The following PTCD3 variants were observed in gnomAD, a reference collection of about 807,000 sequenced individuals.
PTCD3 encodes the protein small ribosomal subunit protein mS39.
PTCD3 carries 89 observed loss-of-function variants against 101.9 expected under a neutral mutation model. That is an observed-to-expected ratio of 0.87 (90% CI 0.74 to 1.04). The LOEUF (loss-of-function observed/expected upper bound fraction) is 1.04. PTCD3 is among the 50% of genes least tolerant of loss of function. The pLI, the probability that PTCD3 is intolerant of heterozygous loss-of-function variation, is 0.00. For synonymous variants in PTCD3, 296 were observed against 278.5 expected (o/e 1.06, Z -0.63); for missense variants, 870 against 828.2 (o/e 1.05, Z -0.62).
chr2:86,107,758 C>G (rs147905307), intron 1 of PTCD3, among the ~76,000 whole-genome samples: 1 of 152,274 alleles, frequency 6.6e-6, no homozygotes, highest in East Asian at 1.9e-4. Context: ...GTCATCTTCC[C>G]TATGTTGTAA....
intron 7 of PTCD3, 144 bp from the exon 8 acceptor site, chr2:86,121,335 G>A (rs769592915): frequency 8.1e-6 from 4 of 495,860 alleles, no homozygotes; most frequent in Admixed American, 7.5e-5. Flanking sequence ...TTAAGTTGAC[G>A]TTGAGTGCAT....
intron 4 of PTCD3, among the ~76,000 whole-genome samples, chr2:86,112,651 C>T (rs956838320): frequency 7.2e-6 from 1 of 139,444 alleles, no homozygotes; most frequent in Non-Finnish European, 1.5e-5. Flanking sequence ...CACTGCATTC[C>T]AGCCTGGGTG....
chr2:86,127,945 C>A lies in PTCD3; in HGVS notation c.1101C>A (p.Pro367=). The A allele has an allele frequency of 6.2e-7, 1 of 1,609,748 alleles. No homozygotes were observed. The highest frequency in any genetic ancestry group is 8.5e-7 in the Non-Finnish European group (1 of 1,176,204). Residue 367 remains proline, a synonymous_variant, in exon 14 of 24, where the codon CCC becomes CCA. Transcript: ENST00000254630. ...CTGTCTACCTGGTAATTTGAGAACC[C>A]TCGCTTGCAACATATCACCATATTA... ...LREMKAIGIE[P]SLATYHHIIR...
intron 7 of PTCD3, chr2:86,119,442 C>T (rs1212123082): frequency 1.7e-5 from 3 of 174,998 alleles, no homozygotes; most frequent in South Asian, 1.2e-4. Context: ...CTGCAAGCTC[C>T]GCCTCCCAGG....
intron 22 of PTCD3, 97 bp from the exon 23 acceptor site, chr2:86,136,885 T>C (rs1194204711): frequency 7.0e-7 from 1 of 1,420,480 alleles, no homozygotes; most frequent in African/African-American, 1.4e-5. Flanking sequence ...CCAGAAATAC[T>C]GTTGGGAATT....
intron 8 of PTCD3, among the ~76,000 whole-genome samples, chr2:86,123,198 G>T (rs979837360): frequency 6.6e-6 from 1 of 151,916 alleles, no homozygotes; most frequent in Non-Finnish European, 1.5e-5. Context: ...GGAGGTGGAG[G>T]TTGCAGTGAG....
In PTCD3 at chr2:86,133,433, A is replaced by G; in HGVS notation, c.1540A>G (p.Lys514Glu). 2 of 1,611,760 alleles carry G rather than the reference A, an allele frequency of 1.2e-6. No individual in the cohort carries two copies. The highest frequency in any genetic ancestry group is 1.7e-6 in the Non-Finnish European group (2 of 1,177,896). Residue 514 changes from lysine (K) to glutamate (E), a missense_variant, in exon 19 of 24, where the codon AAA becomes GAA. Transcript: ENST00000254630. ...GCTAGAAGTGATTCCTAAAATTTGG[A>G]AAGGTCAGTTTTACTTTTTATGTGT... Reference protein sequence around the residue: ...NRLEVIPKIWKDSKEYGHTFR... With the variant: ...NRLEVIPKIWEDSKEYGHTFR...
At chr2:86,120,060 C>A (rs889110629) in intron 7 of PTCD3, among the ~76,000 whole-genome samples, 1 of 152,106 alleles carries the variant, frequency 6.6e-6, no homozygotes, top group African/African-American at 2.4e-5. Context: ...TTGCAGAAAG[C>A]TATGTTTGAG....
chr2:86,117,812 T>C (rs1039244113), intron 6 of PTCD3, among the ~76,000 whole-genome samples: 5 of 152,136 alleles, frequency 3.3e-5, no homozygotes, highest in Admixed American at 6.5e-5. Flanking sequence ...AGTCTCACTC[T>C]GTTGCCCAGG....
rs1165055964 is a variant in PTCD3, at chr2:86,140,048, G to A, written c.*2489G>A. On this transcript the variant is annotated 3_prime_UTR_variant, in exon 24 of 24. Coordinates refer to ENST00000254630, the MANE Select transcript of PTCD3 (RefSeq NM_017952.6). The stretch of plus-strand genomic sequence containing the variant: ...CTAGAATCAAACTCAAATCTGGCAC[G>A]TAGGTGCTTCTTAGTAAATGCTTAA... 2 of 152,170 alleles carry A rather than the reference G, an allele frequency of 1.3e-5. No homozygotes were observed. The highest frequency in any genetic ancestry group is 1.9e-4 in the East Asian group (1 of 5,190). 9.4% of individuals were successfully genotyped at this position (152,170 alleles called of 1,614,324 possible).
At chr2:86,122,944 A>G (rs913887905) in intron 8 of PTCD3, among the ~76,000 whole-genome samples, 2 of 152,088 alleles carry the variant, frequency 1.3e-5, no homozygotes, top group Non-Finnish European at 2.9e-5. Context: ...CTTGGTTTAT[A>G]AATAAAGACA....
chr2:86,120,335 A>C (rs894831223), intron 7 of PTCD3, among the ~76,000 whole-genome samples: 2 of 152,202 alleles, frequency 1.3e-5, no homozygotes, highest in Non-Finnish European at 2.9e-5. Context: ...AGGATCCTAG[A>C]ACATTTCATT....
At chr2:86,115,847 A>G (rs906970615) in intron 4 of PTCD3, among the ~76,000 whole-genome samples, 2 of 152,140 alleles carry the variant, frequency 1.3e-5, no homozygotes, top group African/African-American at 4.8e-5. Context: ...GGGCACGGTG[A>G]TATCTTCCAT....
At chr2:86,109,365 C>T (rs190896226) in intron 3 of PTCD3, among the ~76,000 whole-genome samples, 3 of 151,394 alleles carry the variant, frequency 2.0e-5, no homozygotes, top group Non-Finnish European at 4.4e-5. Flanking sequence ...CGAGGTCGCG[C>T]CACTGCACTC....
chr2:86,114,906 T>G (rs1358884009), intron 4 of PTCD3, among the ~76,000 whole-genome samples: 4 of 152,168 alleles, frequency 2.6e-5, no homozygotes, highest in African/African-American at 9.6e-5. Context: ...CAGGACATGC[T>G]TAATTCCTCC....
chr2:86,125,356 T>C, intron 10 of PTCD3, 99 bp from the exon 11 acceptor site: 2 of 1,288,972 alleles, frequency 1.6e-6, no homozygotes, highest in South Asian at 2.4e-5. Context: ...AGGAGCCTGA[T>C]CTATTGAGCC....
At chr2:86,137,398 T>C (rs771317214) in intron 23 of PTCD3, 71 bp from the exon 24 acceptor site, 128 of 1,596,790 alleles carry the variant, frequency 8.0e-5, no homozygotes, top group Non-Finnish European at 1.0e-4. Context: ...TATAGGTGAG[T>C]GTCAGAGACA....
At chr2:86,109,823 T>A (rs1306675106) in intron 3 of PTCD3, among the ~76,000 whole-genome samples, 1 of 152,238 alleles carries the variant, frequency 6.6e-6, no homozygotes, top group African/African-American at 2.4e-5. Flanking sequence ...ACTTTTTACA[T>A]TGAAAGGAAT....
At chr2:86,128,134 G>A (rs1226655372) in intron 14 of PTCD3, 143 bp downstream of exon 14, 1 of 728,094 alleles carries the variant, frequency 1.4e-6, no homozygotes, top group African/African-American at 1.8e-5. Context: ...AGCCTGAGCA[G>A]AAAGTTGTGG....
Sources: allele counts gnomAD v4.1 joint callset (sites outside exome capture counted in the v4.1 genomes callset), GRCh38; gene constraint gnomAD v4.1.1; transcripts MANE v1.5; gene names NCBI Gene and HGNC (gene_info 2026-07-23, HGNC 2026-07-21).